SLC44A5: variants seen among roughly 807,000 people sequenced by gnomAD.
SLC44A5 encodes choline transporter-like protein 5.
Under a neutral mutation model 101.8 loss-of-function variants are expected in SLC44A5, and 57 were observed. That is an observed-to-expected ratio of 0.56 (90% CI 0.45 to 0.70). SLC44A5 has a LOEUF of 0.70. Among genes scored for constraint, SLC44A5 ranks in the 30% least tolerant of loss-of-function variants. The pLI, the probability that SLC44A5 is intolerant of heterozygous loss-of-function variation, is 0.00. For missense variants in SLC44A5, 737 were observed against 853.1 expected (o/e 0.86, Z 1.70); for synonymous variants, 281 against 290.9 (o/e 0.97, Z 0.35).
At chr1:75,341,406 C>T (rs942821535) in intron 3 of SLC44A5, among the ~76,000 whole-genome samples, 3 of 152,014 alleles carry the variant, frequency 2.0e-5, no homozygotes, top group Admixed American at 2.0e-4. Context: ...CCCTTGAACC[C>T]AGGAGGCGGA....
chr1:75,642,870 A>T, the SLC44A5 span, among the ~76,000 whole-genome samples: 1 of 152,180 alleles, frequency 6.6e-6, no homozygotes, highest in African/African-American at 2.4e-5. Flanking sequence ...ATATTTGGTA[A>T]ATACAGAAAA....
intron 13 of SLC44A5, among the ~76,000 whole-genome samples, chr1:75,226,125 A>G (rs1455860533): frequency 1.3e-5 from 2 of 152,200 alleles, no homozygotes; most frequent in Admixed American, 6.5e-5. Flanking sequence ...TTAAAAAGGA[A>G]AAGGTATAAA....
chr1:75,281,649 C>CCCA (rs1553154409), intron 5 of SLC44A5, among the ~76,000 whole-genome samples: 1 of 101,156 alleles, frequency 9.9e-6, no homozygotes, highest in Admixed American at 9.2e-5. Flanking sequence ...CCCCCCCCCC[C>CCCA]CCGCTGCATT....
intron 2 of SLC44A5, among the ~76,000 whole-genome samples, chr1:75,444,437 GAGAAAGAA>G (rs1352007326): frequency 8.3e-6 from 1 of 120,704 alleles, no homozygotes; most frequent in African/African-American, 3.2e-5. Flanking sequence ...AAGAAAGACA[GAGAAAGAA>G]AGAAAGAAAG....
intron 2 of SLC44A5, among the ~76,000 whole-genome samples, chr1:75,468,881 T>C (rs1666960693): frequency 6.6e-6 from 1 of 152,186 alleles, no homozygotes; most frequent in Non-Finnish European, 1.5e-5. Context: ...TACACCCATT[T>C]TACATGATGT....
intron 3 of SLC44A5, among the ~76,000 whole-genome samples, chr1:75,353,822 G>A (rs1658867003): frequency 6.6e-6 from 1 of 152,190 alleles, no homozygotes; most frequent in South Asian, 2.1e-4. Context: ...GCAATTTCTA[G>A]TCACTTGGTT....
the SLC44A5 span, among the ~76,000 whole-genome samples, chr1:75,628,632 C>T: frequency 1.4e-4 from 22 of 151,968 alleles, no homozygotes; most frequent in African/African-American, 4.8e-4. Context: ...AAAACTAAAG[C>T]AGCAAAAAAA....
the SLC44A5 span, among the ~76,000 whole-genome samples, chr1:75,681,978 A>G: frequency 6.6e-6 from 1 of 152,330 alleles, no homozygotes; most frequent in East Asian, 1.9e-4. Flanking sequence ...ACAAACAGCC[A>G]AATCATGAGT....
intron 1 of SLC44A5, among the ~76,000 whole-genome samples, chr1:75,605,683 A>C (rs1355297732): frequency 6.6e-6 from 1 of 152,114 alleles, no homozygotes; most frequent in Non-Finnish European, 1.5e-5. Flanking sequence ...ATAAAATTCG[A>C]TTATACTATG....
In SLC44A5 at chr1:75,213,941, T is replaced by A. The variant is rs1353910885; in HGVS notation, c.1851A>T (p.Lys617Asn). 3 of 1,596,676 alleles carry A rather than the reference T, an allele frequency of 1.9e-6. No homozygotes were observed. Among genetic ancestry groups the A allele is most frequent in the Non-Finnish European group, 2.6e-6 (3 of 1,169,980 alleles). ...TACCTATACTTCCAGCAACTAGAAG[T>A]TTCCCCAGGAATAATACAAAGTATG... is the stretch of plus-strand genomic sequence containing the variant. ...EVTYFVLFLGKLLVAGSIGVL... is the reference protein window; with the variant it reads ...EVTYFVLFLGNLLVAGSIGVL... Residue 617 changes from lysine to asparagine, a missense_variant, in exon 21 of 24, where the codon AAA (lysine) becomes AAT (asparagine). Lys to Asn is a moderately conservative substitution (Grantham distance 94). Transcript: ENST00000370859.
chr1:75,458,569 A>G (rs1432923843), intron 2 of SLC44A5, among the ~76,000 whole-genome samples: 1 of 152,192 alleles, frequency 6.6e-6, no homozygotes, highest in Non-Finnish European at 1.5e-5. Context: ...TACATTACAG[A>G]AGGATAGAGT....
the SLC44A5 span, among the ~76,000 whole-genome samples, chr1:75,656,143 A>G: frequency 7.9e-5 from 12 of 152,340 alleles, no homozygotes; most frequent in Admixed American, 7.8e-4. Context: ...CCAACTGAGT[A>G]TACTGTATCC....
intron 2 of SLC44A5, among the ~76,000 whole-genome samples, chr1:75,428,448 C>G (rs535823585): frequency 6.6e-6 from 1 of 152,254 alleles, no homozygotes; most frequent in South Asian, 2.1e-4. Context: ...TTTTGAATCT[C>G]AGAATTTAGC....
intron 2 of SLC44A5, among the ~76,000 whole-genome samples, chr1:75,484,098 G>A (rs951539476): frequency 6.6e-6 from 1 of 152,090 alleles, no homozygotes; most frequent in Non-Finnish European, 1.5e-5. Flanking sequence ...ATATCATTCT[G>A]TCCCTGGCCC....
At chr1:75,458,935 C>T (rs1666340872) in intron 2 of SLC44A5, among the ~76,000 whole-genome samples, 1 of 151,998 alleles carries the variant, frequency 6.6e-6, no homozygotes, top group Admixed American at 6.6e-5. Context: ...TGTGGAATTT[C>T]CATACAAAAA....
chr1:75,421,608 T>A (rs774771868), intron 2 of SLC44A5, among the ~76,000 whole-genome samples: 10 of 152,114 alleles, frequency 6.6e-5, no homozygotes, highest in Non-Finnish European at 1.3e-4. Flanking sequence ...GTCTGAGAAA[T>A]TTGCTAAGGC....
At chr1:75,298,160 T>C (rs1654118628) in intron 5 of SLC44A5, among the ~76,000 whole-genome samples, 1 of 152,172 alleles carries the variant, frequency 6.6e-6, no homozygotes, top group South Asian at 2.1e-4. Context: ...TGGTAAAAAA[T>C]CCTTAACACT....
intron 4 of SLC44A5, among the ~76,000 whole-genome samples, chr1:75,303,313 G>A (rs985529977): frequency 2.0e-5 from 3 of 152,142 alleles, no homozygotes; most frequent in Non-Finnish European, 4.4e-5. Context: ...TCAGCTCACT[G>A]CAACCTCCGA....
At chr1:75,340,249 CT>C (rs912423286) in intron 3 of SLC44A5, among the ~76,000 whole-genome samples, 1 of 152,142 alleles carries the variant, frequency 6.6e-6, no homozygotes, top group African/African-American at 2.4e-5. Flanking sequence ...ATATATTACC[CT>C]TTTCTTTAAA....
Sources: gnomAD v4.1 joint callset for allele counts (sites outside exome capture counted in the v4.1 genomes callset) on GRCh38, gnomAD v4.1.1 for gene constraint, MANE v1.5 for transcripts, NCBI Gene and HGNC (gene_info 2026-07-23, HGNC 2026-07-21) for gene names.